The following UTS2B variants were observed in gnomAD, a reference collection of about 807,000 sequenced individuals.
UTS2B encodes the protein urotensin-2B.
A neutral mutation model predicts 19.2 loss-of-function variants in UTS2B; 21 were observed. The observed-to-expected ratio is 1.09, with a 90% CI of 0.78 to 1.58. UTS2B has a LOEUF of 1.58. Ranked by LOEUF, UTS2B falls within the 40% of genes most tolerant of loss-of-function variation. UTS2B has a pLI of 0.00. For missense variants in UTS2B, 138 were observed against 130.3 expected (o/e 1.06, Z -0.29); for synonymous variants, 57 against 50.2 (o/e 1.14, Z -0.58).
intron 1 of UTS2B, 118 bp downstream of exon 1, chr3:191,330,296 A>AAC (rs3048670): frequency 0.057 from 7,753 of 137,074 alleles, 201 homozygotes; most frequent in South Asian, 0.086. Context: ...TTACAAACAA[A>AAC]ACACACACAC....
At chr3:191,333,849 AT>A (rs1269896551), upstream of UTS2B, among the ~76,000 whole-genome samples, 1 of 152,172 alleles carries the variant, frequency 6.6e-6, no homozygotes, top group African/African-American at 2.4e-5. Flanking sequence ...CCAGCATTAA[AT>A]TTATAAAAAC....
intron 2 of UTS2B, among the ~76,000 whole-genome samples, chr3:191,321,336 T>TA (rs1717605841): frequency 1.3e-5 from 2 of 152,170 alleles, no homozygotes; most frequent in African/African-American, 2.4e-5. Flanking sequence ...AGTAAGACCT[T>TA]TTAACTATTT....
At chr3:191,298,923 A>C (rs1027862374) in intron 4 of UTS2B, among the ~76,000 whole-genome samples, 1 of 152,208 alleles carries the variant, frequency 6.6e-6, no homozygotes, top group Admixed American at 6.5e-5. Flanking sequence ...TTATTTGTTA[A>C]CAAAGAGATT....
At chr3:191,290,155 G>T (rs1032176887) in intron 4 of UTS2B, among the ~76,000 whole-genome samples, 3 of 152,148 alleles carry the variant, frequency 2.0e-5, no homozygotes, top group Admixed American at 1.3e-4. Flanking sequence ...TTGGGGAAAA[G>T]TCTGCAAAGA....
At position 191,275,344 on chromosome 3, in the gene UTS2B, A is replaced by G. The variant is rs1716202400; in HGVS notation, c.242T>C (p.Leu81Pro). Residue 81 changes from leucine to proline, a missense_variant and splice_region_variant, in exon 8 of 9, where the codon CTG (leucine) becomes CCG (proline). Coordinates refer to ENST00000340524, the MANE Select transcript of UTS2B (RefSeq NM_198152.5). ...CACTAGCTGTTCTTTTAGCTTTTCCAGCTGATAAAATTGTAAAATGATAAT... is the reference window on the plus strand; with the variant it reads ...CACTAGCTGTTCTTTTAGCTTTTCCGGCTGATAAAATTGTAAAATGATAAT... The part of the protein sequence containing the change: ...LPNKLEELNQ[L>P]EKLKEQLVEE... 2 of 1,612,144 alleles carry G rather than the reference A, an allele frequency of 1.2e-6. No homozygotes were observed. Among genetic ancestry groups the G allele is most frequent in the African/African-American group, 2.7e-5 (2 of 74,888 alleles).
intron 4 of UTS2B, among the ~76,000 whole-genome samples, chr3:191,294,404 A>G (rs547768940): frequency 7.2e-5 from 11 of 152,012 alleles, no homozygotes; most frequent in Non-Finnish European, 1.6e-4. Context: ...AAACTCTCTA[A>G]GCCTAAGCAT....
At chr3:191,309,643 G>A (rs1343526697) in intron 3 of UTS2B, among the ~76,000 whole-genome samples, 5 of 152,048 alleles carry the variant, frequency 3.3e-5, no homozygotes, top group African/African-American at 1.2e-4. Context: ...GGATCACAGG[G>A]GCAGAGTTCT....
chr3:191,313,104 C>T (rs1160430805), intron 3 of UTS2B, among the ~76,000 whole-genome samples: 1 of 150,642 alleles, frequency 6.6e-6, no homozygotes, highest in Non-Finnish European at 1.5e-5. Context: ...AAGCAATTCT[C>T]CTGCCTCAGC....
Position 191,267,976 on chromosome 3 carries a change from A to C in UTS2B, c.*440T>G, listed in dbSNP as rs919365507. On this transcript the variant is annotated 3_prime_UTR_variant, in exon 9 of 9. Coordinates refer to ENST00000340524, the MANE Select transcript of UTS2B (RefSeq NM_198152.5). The stretch of plus-strand genomic sequence containing the variant: ...ACAACCGCTTAGACCAGAAATTCTC[A>C]GAAGGAAATATGCCTTAACCCTAAA... 1.3e-5 allele frequency: 2 copies of C among 152,466 alleles called. No homozygotes were observed. The highest frequency in any genetic ancestry group is 6.5e-5 in the Admixed American group (1 of 15,292). 9.4% of individuals were successfully genotyped at this position (152,466 alleles called of 1,614,324 possible).
intron 8 of UTS2B, 89 bp from the exon 9 acceptor site, chr3:191,268,530 G>T (rs867101663): frequency 1.1e-6 from 1 of 892,260 alleles, no homozygotes; most frequent in Admixed American, 2.7e-5. Flanking sequence ...GCCTGAATGC[G>T]AGAGTTAAGT....
At chr3:191,336,877 A>G in the UTS2B span, among the ~76,000 whole-genome samples, 16 of 152,206 alleles carry the variant, frequency 1.1e-4, no homozygotes, top group Admixed American at 6.5e-5. Flanking sequence ...TAGTAATTCA[A>G]ATTTGTTGCA....
At position 191,276,839 on chromosome 3, in the gene UTS2B, C is replaced by T. The variant is rs1576914158; in HGVS notation, c.208G>A (p.Ala70Thr). The T allele has an allele frequency of 4.3e-6, 7 of 1,611,682 alleles. No individual in the cohort carries two copies. The highest frequency in any genetic ancestry group is 5.9e-6 in the Non-Finnish European group (7 of 1,179,102). Reference protein sequence around the residue: ...DFQRPFNTDLALPNKLEELNQ... With the variant: ...DFQRPFNTDLTLPNKLEELNQ... ...AGTTCTTCCAGTTTGTTAGGTAAGG[C>T]TAGGTCTGCAAGACACATTTGTCAC... The change falls in exon 7 of 9, where the codon GCC becomes ACC. Residue 70 changes from alanine to threonine, a missense_variant. By Grantham distance (58) the Ala-to-Thr change is moderately conservative. Transcript: ENST00000340524.
chr3:191,273,541 G>A, intron 8 of UTS2B: 1 of 456,742 alleles, frequency 2.2e-6, no homozygotes, highest in Middle Eastern at 3.3e-4. Flanking sequence ...CAGTTAAGCT[G>A]TATCAACGTT....
At chr3:191,327,214 G>C (rs1717765835) in intron 2 of UTS2B, among the ~76,000 whole-genome samples, 1 of 152,204 alleles carries the variant, frequency 6.6e-6, no homozygotes, top group African/African-American at 2.4e-5. Flanking sequence ...AACTAGGGGA[G>C]GCCGGGCGTG....
upstream of UTS2B, among the ~76,000 whole-genome samples, chr3:191,332,297 A>G (rs1299132488): frequency 6.6e-6 from 1 of 152,218 alleles, no homozygotes; most frequent in East Asian, 1.9e-4. Flanking sequence ...TTTTGAAAAA[A>G]CACACACACA....
At chr3:191,303,734 T>C (rs1298112778) in intron 4 of UTS2B, among the ~76,000 whole-genome samples, 1 of 152,232 alleles carries the variant, frequency 6.6e-6, no homozygotes, top group Non-Finnish European at 1.5e-5. Context: ...CTGATGTTTT[T>C]ATCTTGTTTC....
At chr3:191,286,971 C>T (rs1047954053) in intron 4 of UTS2B, among the ~76,000 whole-genome samples, 3 of 151,128 alleles carry the variant, frequency 2.0e-5, no homozygotes, top group Admixed American at 1.3e-4. Flanking sequence ...GAGACCACTA[C>T]AAGCAACTGT....
At chr3:191,327,473 T>A (rs1161092267) in intron 2 of UTS2B, among the ~76,000 whole-genome samples, 4 of 152,164 alleles carry the variant, frequency 2.6e-5, no homozygotes, top group African/African-American at 9.7e-5. Flanking sequence ...GCCATCACAC[T>A]CTAGGCCTGA....
At chr3:191,294,972 A>G (rs1716818712) in intron 4 of UTS2B, among the ~76,000 whole-genome samples, 1 of 151,942 alleles carries the variant, frequency 6.6e-6, no homozygotes, top group South Asian at 2.1e-4. Flanking sequence ...TTGAGCTTCC[A>G]GTGAGCTGAG....
Sources: allele counts gnomAD v4.1 joint callset (sites outside exome capture counted in the v4.1 genomes callset), GRCh38; gene constraint gnomAD v4.1.1; transcripts MANE v1.5; gene names NCBI Gene and HGNC (gene_info 2026-07-23, HGNC 2026-07-21).